DUS2: variants seen among roughly 807,000 people sequenced by gnomAD.
DUS2 encodes the protein tRNA-dihydrouridine(20) synthase [NAD(P)+]-like.
Under a neutral mutation model 71.3 loss-of-function variants are expected in DUS2, and 52 were observed. That is an observed-to-expected ratio of 0.73 (90% CI 0.58 to 0.92). The LOEUF is 0.92. Ranked by LOEUF, DUS2 falls within the 40% of genes least tolerant of loss-of-function variation. The pLI, the probability that DUS2 is intolerant of heterozygous loss-of-function variation, is 0.00. For synonymous variants in DUS2, 204 were observed against 227.8 expected, an observed-to-expected ratio of 0.90 and a Z score of 0.94; for missense variants, 558 against 622.6, an observed-to-expected ratio of 0.90 and a Z score of 1.10.
intron 2 of DUS2, among the ~76,000 whole-genome samples, chr16:68,033,891 C>G (rs1348452204): frequency 6.6e-6 from 1 of 151,970 alleles, no homozygotes; most frequent in Non-Finnish European, 1.5e-5. Flanking sequence ...CTCGTCCTCC[C>G]AAAGCACTAG....
chr16:68,070,198 C>G lies in DUS2; in HGVS notation c.619C>G (p.Leu207Val). 6.2e-7 allele frequency: 1 copy of G among 1,614,144 alleles called. No individual in the cohort carries two copies. The highest frequency in any genetic ancestry group is 8.5e-7 in the Non-Finnish European group (1 of 1,179,988). Reference protein sequence around the residue: ...CEVIKAIADTLSIPVIANGGS... With the variant: ...CEVIKAIADTVSIPVIANGGS... Reference sequence around the variant, plus strand: ...AGTCATCAAAGCCATTGCTGATACCCTCTCCATTCCTGTCATAGCCAAGTA... The same window carrying G: ...AGTCATCAAAGCCATTGCTGATACCGTCTCCATTCCTGTCATAGCCAAGTA... The change falls in exon 11 of 17, where the codon CTC becomes GTC. Residue 207 changes from leucine (L) to valine (V), a missense_variant. Coordinates refer to ENST00000565263, the MANE Select transcript of DUS2 (RefSeq NM_017803.5).
At chr16:68,048,619 A>G (rs563020697) in intron 3 of DUS2, among the ~76,000 whole-genome samples, 2 of 152,282 alleles carry the variant, frequency 1.3e-5, no homozygotes, top group South Asian at 4.1e-4. Context: ...AGTCCCATGG[A>G]TACTATGAGG....
intron 2 of DUS2, among the ~76,000 whole-genome samples, chr16:68,025,706 C>T (rs374964938): frequency 9.9e-5 from 15 of 152,132 alleles, no homozygotes; most frequent in Admixed American, 2.0e-4. Context: ...CTTTTTTCCC[C>T]CTCACTCACA....
At chr16:68,063,360 G>A (rs2033965743) in intron 8 of DUS2, among the ~76,000 whole-genome samples, 2 of 152,150 alleles carry the variant, frequency 1.3e-5, no homozygotes, top group Non-Finnish European at 2.9e-5. Flanking sequence ...CAGGCTTGGC[G>A]TTTTAGGCCC....
rs374158617 is a variant in DUS2 at position 68,076,911 on chromosome 16, CTCTTT to C, written c.1170+194_1170+198del. ...TGTTGTCCAGTTCAGCCAGACATCT[CTCTTT>C]TTTTTTTTTTTGAAACAGAGTCTAA... On this transcript the variant is annotated intron_variant, in intron 15 of 16. Transcript: ENST00000565263. Among the ~76,000 whole-genome samples the C allele has an allele frequency of 7.0e-3, 1,030 of 146,170 alleles. 12 individuals are homozygous for C. Among genetic ancestry groups the C allele is most frequent in the African/African-American group, 0.025 (916 of 36,242 alleles).
chr16:68,043,569 T>TA (rs1375075840), intron 3 of DUS2, among the ~76,000 whole-genome samples: 1 of 152,232 alleles, frequency 6.6e-6, no homozygotes, highest in Non-Finnish European at 1.5e-5. Context: ...AACATCTTTT[T>TA]ATATGCTTTT....
intron 12 of DUS2, 106 bp from the exon 13 acceptor site, chr16:68,073,928 A>T: frequency 2.1e-6 from 3 of 1,430,556 alleles, no homozygotes; most frequent in South Asian, 2.5e-5. Context: ...TGCCTTGGCT[A>T]CACATACATC....
At chr16:68,073,526 C>T (rs1318643146) in intron 12 of DUS2, among the ~76,000 whole-genome samples, 2 of 151,350 alleles carry the variant, frequency 1.3e-5, no homozygotes, top group African/African-American at 2.4e-5. Flanking sequence ...CTTGGCTCAC[C>T]GCAACCTTCG....
chr16:68,029,731 G>A lies in DUS2; in HGVS notation c.-19+4237G>A, dbSNP rs562244625. Among the ~76,000 whole-genome samples, 5 of 152,176 alleles carry A rather than the reference G, an allele frequency of 3.3e-5. No individual in the cohort carries two copies. In the South Asian group the frequency reaches 1.0e-3, roughly 32 times the overall value. ...CAAAGTGTTGGGATTATAGGCATGA[G>A]CCACTGGACCCAGCCACATGTTCAG... is the stretch of plus-strand genomic sequence containing the variant. On this transcript the variant is annotated intron_variant, in intron 2 of 16. Coordinates refer to ENST00000565263, the MANE Select transcript of DUS2 (RefSeq NM_017803.5).
intron 3 of DUS2, among the ~76,000 whole-genome samples, chr16:68,044,595 C>T (rs1289231162): frequency 6.6e-6 from 1 of 151,822 alleles, no homozygotes; most frequent in Non-Finnish European, 1.5e-5. Context: ...TAGGGTTTCA[C>T]CATGTTGCCC....
Position 68,038,069 on chromosome 16 carries a change from C to G in DUS2, c.46C>G (p.Leu16Val). 2 of 1,613,858 alleles carry G rather than the reference C, an allele frequency of 1.2e-6. No individual in the cohort carries two copies. The highest frequency in any genetic ancestry group is 1.1e-5 in the South Asian group (1 of 91,068). The change falls in exon 3 of 17, where the codon CTG becomes GTG. Residue 16 changes from leucine to valine, a missense_variant. Leu to Val is a conservative substitution (Grantham distance 32). Transcript: ENST00000565263. ...TCTGTGTTACCATAATAAGCTAATC[C>G]TGGCCCCAATGGTTCGGGTAGGGAC... ...LSLCYHNKLI[L>V]APMVRVGTLP... is the part of the protein sequence containing the mutation.
chr16:68,052,030 T>C (rs2033785451), intron 4 of DUS2, among the ~76,000 whole-genome samples: 1 of 151,978 alleles, frequency 6.6e-6, no homozygotes, highest in South Asian at 2.1e-4. Flanking sequence ...TTCCAAGTAG[T>C]GGGGACTACA....
chr16:68,064,318 T>G (rs1192364038), intron 8 of DUS2, among the ~76,000 whole-genome samples: 1 of 152,190 alleles, frequency 6.6e-6, no homozygotes, highest in African/African-American at 2.4e-5. Flanking sequence ...GAAGACAATC[T>G]CTAGTTGCCA....
chr16:68,059,737 G>A (rs527396692), intron 7 of DUS2, among the ~76,000 whole-genome samples: 39 of 152,258 alleles, frequency 2.6e-4, no homozygotes, highest in Admixed American at 1.8e-3. Context: ...TATACTGGCA[G>A]CATATATTTA....
chr16:68,079,029 A>G lies in DUS2; in HGVS notation c.*43A>G, dbSNP rs200560233. 56 of 1,488,122 alleles carry G rather than the reference A, an allele frequency of 3.8e-5. No individual in the cohort carries two copies. Among genetic ancestry groups the G allele is most frequent in the African/African-American group, 1.4e-4 (10 of 71,334 alleles). 92.2% of individuals were successfully genotyped at this position (1,488,122 alleles called of 1,614,324 possible). On this transcript the variant is annotated 3_prime_UTR_variant, in exon 17 of 17. Transcript: ENST00000565263. Reference sequence around the variant, plus strand: ...GTCACCCCTCCATGGGCCTGGTGCTAAGGTGGCTGTGGATGCCACAGCATG... The same window carrying G: ...GTCACCCCTCCATGGGCCTGGTGCTGAGGTGGCTGTGGATGCCACAGCATG...
intron 6 of DUS2, among the ~76,000 whole-genome samples, chr16:68,055,576 T>C (rs2033840426): frequency 6.6e-6 from 1 of 152,150 alleles, no homozygotes; most frequent in African/African-American, 2.4e-5. Flanking sequence ...ATAAGTTGCT[T>C]AACCTCAATG....
At chr16:68,037,932 G>A in intron 2 of DUS2, 74 bp from the exon 3 acceptor site, 1 of 1,459,086 alleles carries the variant, frequency 6.9e-7, no homozygotes, top group South Asian at 1.2e-5. Flanking sequence ...TTGAAGAAGG[G>A]AAGCCTGCTC....
intron 1 of DUS2, among the ~76,000 whole-genome samples, chr16:68,024,540 CA>C (rs1318574807): frequency 6.6e-6 from 1 of 152,090 alleles, no homozygotes; most frequent in Non-Finnish European, 1.5e-5. Context: ...TTAGTTTCAT[CA>C]AATACCAATG....
chr16:68,030,914 A>G (rs148296323), intron 2 of DUS2, among the ~76,000 whole-genome samples: 1 of 151,836 alleles, frequency 6.6e-6, no homozygotes, highest in African/African-American at 2.4e-5. Context: ...AAAAATATAT[A>G]TATATTTTTG....
Sources: gnomAD v4.1 joint callset for allele counts (sites outside exome capture counted in the v4.1 genomes callset) on GRCh38, gnomAD v4.1.1 for gene constraint, MANE v1.5 for transcripts, NCBI Gene and HGNC (gene_info 2026-07-23, HGNC 2026-07-21) for gene names.